Variants in ANK3 observed in about 807,000 individuals in gnomAD.
The protein encoded by ANK3 is ankyrin-3.
A neutral mutation model predicts 370.9 loss-of-function variants in ANK3; 57 were observed. The observed-to-expected ratio is 0.15, with a 90% CI of 0.12 to 0.19. ANK3 has a LOEUF of 0.19. Ranked by LOEUF, ANK3 falls within the 10% of genes least tolerant of loss-of-function variation. The pLI is 1.00. For missense variants in ANK3, 4,439 were observed against 5,302.1 expected (o/e 0.84, Z 5.06); for synonymous variants, 1,929 against 1,946.3 (o/e 0.99, Z 0.23).
At chr10:60,563,694 C>T (rs936621498) in intron 2 of ANK3, among the ~76,000 whole-genome samples, 2 of 152,078 alleles carry the variant, frequency 1.3e-5, no homozygotes, top group African/African-American at 2.4e-5. Context: ...TTCAGTTTTT[C>T]ATTTTGGATT....
At chr10:60,544,825 T>C (rs2076925608) in intron 2 of ANK3, among the ~76,000 whole-genome samples, 1 of 152,092 alleles carries the variant, frequency 6.6e-6, no homozygotes, top group Non-Finnish European at 1.5e-5. Context: ...TAAATTTCCA[T>C]ATAGCTTTAT....
intron 2 of ANK3, among the ~76,000 whole-genome samples, chr10:60,614,510 T>C (rs2078242165): frequency 6.6e-6 from 1 of 152,080 alleles, no homozygotes. Flanking sequence ...TTGAAAAGAA[T>C]AGTGGATGGC....
intron 23 of ANK3, among the ~76,000 whole-genome samples, chr10:60,141,573 T>TTTG (rs2094566158): frequency 1.7e-4 from 4 of 23,536 alleles, no homozygotes; most frequent in African/African-American, 3.2e-4. Flanking sequence ...TTTTTTTTTT[T>TTTG]TTTTTTTTTT....
At chr10:60,389,222 C>T (rs969137984) in intron 1 of ANK3, among the ~76,000 whole-genome samples, 8 of 152,118 alleles carry the variant, frequency 5.3e-5, no homozygotes, top group Non-Finnish European at 1.0e-4. Context: ...GCAATCACCC[C>T]ACAGGAGAAA....
At chr10:60,657,582 C>T (rs76429343) in intron 1 of ANK3, among the ~76,000 whole-genome samples, 6,525 of 152,220 alleles carry the variant, frequency 0.043, 178 homozygotes, top group Middle Eastern at 0.075. Context: ...CCAGAGTACA[C>T]ATTCTATAAG....
At chr10:60,488,100 G>A (rs923677131) in intron 2 of ANK3, among the ~76,000 whole-genome samples, 5 of 152,014 alleles carry the variant, frequency 3.3e-5, no homozygotes, top group Non-Finnish European at 7.4e-5. Flanking sequence ...AATAAAGTAA[G>A]ATACAGGGAA....
intron 1 of ANK3, among the ~76,000 whole-genome samples, chr10:60,708,038 C>T (rs746617946): frequency 3.9e-5 from 6 of 152,188 alleles, no homozygotes; most frequent in Non-Finnish European, 8.8e-5. Flanking sequence ...CTGCAAAGGA[C>T]ATGAACTTCC....
rs10994409 is a variant in ANK3, at chr10:60,543,580, A to T, written c.96+71606T>A. Among the ~76,000 whole-genome samples the T allele has an allele frequency of 2.6e-3, 395 of 152,166 alleles. 3 individuals carry two copies. Among genetic ancestry groups the T allele is most frequent in the African/African-American group, 9.2e-3 (384 of 41,562 alleles). On this transcript the variant is annotated intron_variant, in intron 2 of 43. Coordinates refer to the ANK3 transcript ENST00000373827. ...TTTTTGTATACACAGGCTATCTCTG[A>T]AAGGGAATTGACAACAGTGATTGCC... is the stretch of plus-strand genomic sequence containing the variant.
intron 1 of ANK3, among the ~76,000 whole-genome samples, chr10:60,364,094 G>C (rs1239904676): frequency 2.0e-5 from 3 of 151,172 alleles, no homozygotes; most frequent in African/African-American, 7.3e-5. Flanking sequence ...AGGAGTTCCT[G>C]ACCAGCCTGG....
rs1320328836 is a variant in ANK3, at chr10:60,069,941, C to T, written c.10940G>A (p.Gly3647Glu). 2 of 1,613,982 alleles carry T rather than the reference C, an allele frequency of 1.2e-6. No individual in the cohort carries two copies. Among genetic ancestry groups the T allele is most frequent in the Non-Finnish European group, 1.7e-6 (2 of 1,180,024 alleles). The change falls in exon 37 of 44, where the codon GGG becomes GAG. Residue 3647 changes from glycine (G) to glutamate (E), a missense_variant. Gly to Glu is a moderately conservative substitution (Grantham distance 98, BLOSUM62 -2). Around this residue, in one of 13 missense-constraint regions of ANK3, gnomAD observed 496 missense variants for 529.3 expected, o/e 0.94. Coordinates refer to ENST00000280772, the MANE Select transcript of ANK3 (RefSeq NM_020987.5). ...AGTGACCATACTTTTATCCCCTTCC[C>T]CCTGGTCCCCTGACTTCCCTTCAGA... is the stretch of plus-strand genomic sequence containing the variant. ...HTSEGKSGDQGEGDKSMVTAT... is the reference protein window; with the variant it reads ...HTSEGKSGDQEEGDKSMVTAT...
chr10:60,559,180 G>A (rs574208929), intron 2 of ANK3, among the ~76,000 whole-genome samples: 1 of 152,206 alleles, frequency 6.6e-6, no homozygotes, highest in South Asian at 2.1e-4. Context: ...ACATTAATAA[G>A]TAGTAATTTC....
intron 25 of ANK3, among the ~76,000 whole-genome samples, chr10:60,116,828 AC>A (rs1263170760): frequency 6.6e-6 from 1 of 152,172 alleles, no homozygotes; most frequent in East Asian, 1.9e-4. Flanking sequence ...AATTTAAGAA[AC>A]TTTTCCAGAG....
intron 1 of ANK3, among the ~76,000 whole-genome samples, chr10:60,317,951 C>T (rs1284990677): frequency 1.3e-5 from 2 of 151,940 alleles, no homozygotes; most frequent in African/African-American, 4.8e-5. Context: ...CTCCTGACCT[C>T]GTGATCAGCC....
chr10:60,046,531 A>G (rs897654495), intron 42 of ANK3, among the ~76,000 whole-genome samples: 1 of 152,172 alleles, frequency 6.6e-6, no homozygotes, highest in African/African-American at 2.4e-5. Context: ...GTATAAGCAT[A>G]GTGAATACAT....
chr10:60,120,112 G>C (rs2093373317), intron 25 of ANK3, among the ~76,000 whole-genome samples: 1 of 152,052 alleles, frequency 6.6e-6, no homozygotes, highest in Non-Finnish European at 1.5e-5. Flanking sequence ...GAAAAAATCA[G>C]GCACATAGAT....
At chr10:60,540,699 A>C (rs1230277718) in intron 2 of ANK3, among the ~76,000 whole-genome samples, 1 of 151,944 alleles carries the variant, frequency 6.6e-6, no homozygotes, top group Non-Finnish European at 1.5e-5. Flanking sequence ...TCTAAAACTC[A>C]AGAGATTGGG....
chr10:60,668,106 G>A (rs967585845), intron 1 of ANK3, among the ~76,000 whole-genome samples: 4 of 151,368 alleles, frequency 2.6e-5, no homozygotes, highest in Non-Finnish European at 5.9e-5. Context: ...CCTGCTCCTT[G>A]ACCGATTCCA....
In ANK3 at chr10:60,471,183, T is replaced by C. The variant is rs139280494; in HGVS notation, c.96+144003A>G. 6.6e-3 allele frequency among the ~76,000 whole-genome samples: 1,001 copies of C among 152,196 alleles called. 5 individuals are homozygous for C. The highest frequency in any genetic ancestry group is 0.022 in the African/African-American group (927 of 41,546). On this transcript the variant is annotated intron_variant, in intron 2 of 43. Coordinates refer to the ANK3 transcript ENST00000373827. ...GCAATTAGTTTGAAATTCCAAACAA[T>C]ACAGAAAAATACAAAAAGCAAATTA...
intron 23 of ANK3, among the ~76,000 whole-genome samples, chr10:60,160,249 G>T (rs547960534): frequency 6.6e-6 from 1 of 152,024 alleles, no homozygotes; most frequent in East Asian, 1.9e-4. Flanking sequence ...AAATTCAAAG[G>T]CTCATTAGAG....
Sources: allele counts gnomAD v4.1 joint callset (sites outside exome capture counted in the v4.1 genomes callset), GRCh38; gene constraint gnomAD v4.1.1; regional missense constraint gnomAD v4.1.1; transcripts MANE v1.5; gene names NCBI Gene and HGNC (gene_info 2026-07-23, HGNC 2026-07-21).